Variants in GALNTL6 observed in about 807,000 individuals in gnomAD.
GALNTL6 encodes the protein polypeptide N-acetylgalactosaminyltransferase like 6.
A neutral mutation model predicts 73.7 loss-of-function variants in GALNTL6; 46 were observed. The observed-to-expected ratio is 0.62, with a 90% CI of 0.49 to 0.80. The LOEUF is 0.80. Ranked by LOEUF, GALNTL6 falls within the 30% of genes least tolerant of loss-of-function variation. The probability of loss-of-function intolerance (pLI) is 0.00; values close to 1 mark genes in which losing one functional copy is unlikely to be tolerated. For missense variants in GALNTL6, 604 were observed against 755.0 expected, an observed-to-expected ratio of 0.80 and a Z score of 2.34; for synonymous variants, 259 against 263.7, an observed-to-expected ratio of 0.98 and a Z score of 0.17.
rs111763488 is a variant in GALNTL6 at position 172,172,464 on chromosome 4, C to T, written c.139-57192C>T. Among the ~76,000 whole-genome samples, 1,442 of 152,078 alleles carry T rather than the reference C, an allele frequency of 9.5e-3. 11 individuals are homozygous for T. Among genetic ancestry groups the T allele is most frequent in the Non-Finnish European group, 0.017 (1,132 of 67,966 alleles). Reference sequence around the variant, plus strand: ...TGCCTGCCTTGGCCTCCCAAAGTGCCGGGATTATAGGCGTGAGCCACAACA... The same window carrying T: ...TGCCTGCCTTGGCCTCCCAAAGTGCTGGGATTATAGGCGTGAGCCACAACA... On this transcript the variant is annotated intron_variant, in intron 2 of 12. Coordinates refer to ENST00000506823, the MANE Select transcript of GALNTL6 (RefSeq NM_001034845.3).
At chr4:172,471,860 G>C (rs1381404514) in intron 5 of GALNTL6, among the ~76,000 whole-genome samples, 1 of 152,184 alleles carries the variant, frequency 6.6e-6, no homozygotes, top group East Asian at 1.9e-4. Context: ...AAAATGATGA[G>C]AGCTGACTAA....
chr4:172,025,874 A>G (rs1192183606), intron 2 of GALNTL6, among the ~76,000 whole-genome samples: 4 of 151,966 alleles, frequency 2.6e-5, no homozygotes, highest in African/African-American at 7.2e-5. Context: ...CTCAGGAGAA[A>G]ACCAGTAAAA....
chr4:171,946,972 A>C (rs1738720743), intron 2 of GALNTL6, among the ~76,000 whole-genome samples: 2 of 152,090 alleles, frequency 1.3e-5, no homozygotes, highest in South Asian at 4.1e-4. Context: ...TTTCTATTTA[A>C]AGATTGCCCT....
chr4:172,907,001 C>T (rs1364756169), intron 8 of GALNTL6, among the ~76,000 whole-genome samples: 1 of 152,160 alleles, frequency 6.6e-6, no homozygotes, highest in Non-Finnish European at 1.5e-5. Flanking sequence ...ACAGTCCTTT[C>T]TATACTCAAA....
intron 2 of GALNTL6, among the ~76,000 whole-genome samples, chr4:172,129,802 G>T (rs905717530): frequency 1.4e-4 from 21 of 152,256 alleles, no homozygotes; most frequent in Admixed American, 2.0e-4. Flanking sequence ...ACTTGCCAAA[G>T]TAAGAGTCCT....
intron 2 of GALNTL6, among the ~76,000 whole-genome samples, chr4:172,028,170 A>T (rs544842627): frequency 6.6e-6 from 1 of 152,212 alleles, no homozygotes; most frequent in South Asian, 2.1e-4. Flanking sequence ...TTTACTACTG[A>T]TATATTATAT....
At chr4:172,808,228 A>G (rs2110982276) in intron 5 of GALNTL6, among the ~76,000 whole-genome samples, 1 of 152,378 alleles carries the variant, frequency 6.6e-6, no homozygotes, top group South Asian at 2.1e-4. Context: ...AAGATTTTAT[A>G]AAACTACACT....
At chr4:171,980,592 A>G in intron 2 of GALNTL6, among the ~76,000 whole-genome samples, 1 of 152,330 alleles carries the variant, frequency 6.6e-6, no homozygotes, top group Non-Finnish European at 1.5e-5. Flanking sequence ...AGACATACAA[A>G]TTATAAAAGT....
At position 172,330,368 on chromosome 4, in the gene GALNTL6, C is replaced by T. The variant is rs545826287; in HGVS notation, c.387-18155C>T. Among the ~76,000 whole-genome samples, 27 of 152,306 alleles carry T rather than the reference C, an allele frequency of 1.8e-4. No individual in the cohort carries two copies. In the South Asian group the frequency reaches 2.7e-3, roughly 15 times the overall value. ...GGGGAGGTGTGGGTCCCCGGAGCTG[C>T]TAACTCACTTATCACTTCCCTGAGC... On this transcript the variant is annotated intron_variant, in intron 4 of 12. Transcript: ENST00000506823.
At chr4:171,907,657 A>G (rs915976030) in intron 2 of GALNTL6, among the ~76,000 whole-genome samples, 8 of 151,718 alleles carry the variant, frequency 5.3e-5, no homozygotes, top group Admixed American at 2.6e-4. Context: ...TAAAGTTCAT[A>G]TGGAACCAAA....
At chr4:172,041,973 A>G (rs1742097496) in intron 2 of GALNTL6, among the ~76,000 whole-genome samples, 1 of 152,054 alleles carries the variant, frequency 6.6e-6, no homozygotes, top group African/African-American at 2.4e-5. Context: ...TAAGAAATAT[A>G]ACTATTGTAC....
At chr4:172,638,548 C>G (rs1579273313) in intron 5 of GALNTL6, among the ~76,000 whole-genome samples, 1 of 152,096 alleles carries the variant, frequency 6.6e-6, no homozygotes. Flanking sequence ...TTTTTAGCTT[C>G]TCATTTTAAA....
rs558463760 is a variant in GALNTL6 at position 171,868,083 on chromosome 4, C to A, written c.138+53365C>A. Among the ~76,000 whole-genome samples, 16 of 150,822 alleles carry A rather than the reference C, an allele frequency of 1.1e-4. No individual in the cohort carries two copies. The South Asian group carries it at 3.4e-3, about 32-fold the overall frequency. On this transcript the variant is annotated intron_variant, in intron 2 of 12. Transcript: ENST00000506823. Reference sequence around the variant, plus strand: ...TTTACTGCAGCCTCAAACTCCTGGTCTCGAGCAATCCTCCTGCCTCAGCCT... The same window carrying A: ...TTTACTGCAGCCTCAAACTCCTGGTATCGAGCAATCCTCCTGCCTCAGCCT...
At chr4:172,660,480 G>T (rs1052519059) in intron 5 of GALNTL6, among the ~76,000 whole-genome samples, 2 of 152,214 alleles carry the variant, frequency 1.3e-5, no homozygotes, top group Non-Finnish European at 2.9e-5. Flanking sequence ...TGAACTGGAG[G>T]GAATACTCTG....
intron 5 of GALNTL6, among the ~76,000 whole-genome samples, chr4:172,628,254 C>T (rs1739247479): frequency 6.6e-6 from 1 of 152,102 alleles, no homozygotes. Flanking sequence ...TTTCCATTCA[C>T]TTTTGCTGAT....
intron 5 of GALNTL6, among the ~76,000 whole-genome samples, chr4:172,452,322 A>AT (rs755919073): frequency 9.2e-5 from 14 of 151,768 alleles, no homozygotes; most frequent in Non-Finnish European, 1.3e-4. Flanking sequence ...TTATATATAT[A>AT]AAAATAAATA....
intron 5 of GALNTL6, among the ~76,000 whole-genome samples, chr4:172,354,314 C>T (rs959684180): frequency 1.3e-5 from 2 of 151,944 alleles, no homozygotes; most frequent in Non-Finnish European, 2.9e-5. Context: ...CAATATCAAA[C>T]CAAATACTGT....
At chr4:172,075,712 G>A (rs1039983789) in intron 2 of GALNTL6, among the ~76,000 whole-genome samples, 6 of 152,240 alleles carry the variant, frequency 3.9e-5, no homozygotes, top group African/African-American at 1.4e-4. Flanking sequence ...AATAGTCATG[G>A]CATCTCCCTT....
In GALNTL6 at chr4:172,389,572, AC is replaced by A. The variant is rs1449832241; in HGVS notation, c.553+40884del. Among the ~76,000 whole-genome samples the A allele has an allele frequency of 7.6e-4, 116 of 152,266 alleles. 1 individual carries two copies. Among genetic ancestry groups the A allele is most frequent in the African/African-American group, 2.8e-3 (115 of 41,578 alleles). ...GAAATAAAATGAGTAGATGTATATA[AC>A]ACATAAGTTAAGCTAAAATCCAAGC... On this transcript the variant is annotated intron_variant, in intron 5 of 12. Transcript: ENST00000506823.
Sources: allele counts gnomAD v4.1 joint callset (sites outside exome capture counted in the v4.1 genomes callset), GRCh38; gene constraint gnomAD v4.1.1; transcripts MANE v1.5; gene names NCBI Gene and HGNC (gene_info 2026-07-23, HGNC 2026-07-21).